Variants in COL4A6 observed in about 807,000 individuals in gnomAD.
COL4A6 encodes collagen type IV alpha 6 chain, also known as collagen alpha-6(IV) chain.
COL4A6 carries 59 observed loss-of-function variants against 126.7 expected under a neutral mutation model. The ratio of observed to expected loss-of-function variants is 0.47; its 90% CI spans 0.38 to 0.58. The LOEUF (loss-of-function observed/expected upper bound fraction) is 0.58, where lower values mean the gene tolerates loss of function less well. COL4A6 is among the 20% of genes least tolerant of loss of function. The pLI, the probability that COL4A6 is intolerant of heterozygous loss-of-function variation, is 0.00. For synonymous variants in COL4A6, 547 were observed against 496.6 expected, an observed-to-expected ratio of 1.10 and a Z score of -1.35; for missense variants, 1,285 against 1,337.3, an observed-to-expected ratio of 0.96 and a Z score of 0.61.
chrX:108,419,237 A>G (rs745902206), intron 2 of COL4A6, among the ~76,000 whole-genome samples: 3 of 112,367 alleles, frequency 2.7e-5, no homozygotes, highest in East Asian at 2.8e-4. Context: ...CATTCTAAAT[A>G]CTAGTAAGAA....
intron 2 of COL4A6, among the ~76,000 whole-genome samples, chrX:108,361,925 A>T (rs897134832): frequency 3.6e-5 from 4 of 112,226 alleles, no homozygotes; most frequent in African/African-American, 1.3e-4. Flanking sequence ...ATCTCATCAG[A>T]AATTCAAGGC....
chrX:108,160,412 G>T (rs780617389), intron 43 of COL4A6, 51 bp downstream of exon 43: 2 of 1,109,200 alleles, frequency 1.8e-6, no homozygotes, highest in Admixed American at 5.3e-5. Flanking sequence ...GTTGGCTGTT[G>T]GTGTTTGTGG....
chrX:108,326,344 C>A (rs1603094243), intron 2 of COL4A6, among the ~76,000 whole-genome samples: 2 of 112,221 alleles, frequency 1.8e-5, no homozygotes, highest in East Asian at 5.6e-4. Context: ...GATGTGCAGT[C>A]GCTTTGCATG....
chrX:108,388,319 G>A (rs1320412639), intron 2 of COL4A6, among the ~76,000 whole-genome samples: 1 of 112,010 alleles, frequency 8.9e-6, no homozygotes, highest in African/African-American at 3.2e-5. Flanking sequence ...ACCTCTGGTA[G>A]AATTCGGCTG....
In COL4A6 at chrX:108,155,951, T is replaced by C. The variant is rs2033722312; in HGVS notation, c.*1049A>G. The C allele has an allele frequency of 8.9e-6, 1 of 111,951 alleles. No individual in the cohort carries two copies. Among genetic ancestry groups the C allele is most frequent in the Admixed American group, 9.5e-5 (1 of 10,537 alleles). 9.2% of individuals were successfully genotyped at this position (111,951 alleles called of 1,213,427 possible). A position where few individuals can be genotyped will look rare whatever the true frequency, so the allele number is the denominator to read the frequency against. On this transcript the variant is annotated 3_prime_UTR_variant, in exon 45 of 45. Coordinates refer to ENST00000334504, the MANE Select transcript of COL4A6 (RefSeq NM_033641.4). ...TTTTTATGAGGTTTAAAAAAACATA[T>C]TAAAATAGTTTAATAGGCTACCTGT...
rs758347556 is a variant in COL4A6, at chrX:108,297,962, TAC to T, written c.144+12784_144+12785del. Reference sequence around the variant, plus strand: ...TCTCTCTCTCACGTGTGTGTGTGAGTACACACACCACACACACACACACACAC... The same window carrying T: ...TCTCTCTCTCACGTGTGTGTGTGAGTACACACCACACACACACACACACAC... On this transcript the variant is annotated intron_variant, in intron 3 of 44. Transcript: ENST00000334504. Among the ~76,000 whole-genome samples the T allele has an allele frequency of 4.7e-5, 5 of 107,232 alleles. No homozygotes were observed. The East Asian group carries it at 1.2e-3, about 25-fold the overall frequency. 93.1% of individuals were successfully genotyped at this position (107,232 alleles called of 115,157 possible).
chrX:108,426,975 C>T (rs942319522), intron 2 of COL4A6, among the ~76,000 whole-genome samples: 3 of 111,985 alleles, frequency 2.7e-5, no homozygotes, highest in Non-Finnish European at 5.6e-5. Context: ...AGACACATGC[C>T]TCATGGCTTG....
In COL4A6 at chrX:108,413,831, G is replaced by T. The variant is rs1015879388; in HGVS notation, c.63+24111C>A. 2.7e-5 allele frequency among the ~76,000 whole-genome samples: 3 copies of T among 111,826 alleles called. No homozygotes were observed. The Admixed American group carries it at 2.9e-4, about 11-fold the overall frequency. ...AGGAGTTAAACATCTATTACTACTG[G>T]TTTTCAGACACAGTGTGGATAATAT... On this transcript the variant is annotated intron_variant, in intron 2 of 44. Coordinates refer to ENST00000334504, the MANE Select transcript of COL4A6 (RefSeq NM_033641.4).
At chrX:108,410,174 G>A (rs1405643262) in intron 2 of COL4A6, among the ~76,000 whole-genome samples, 4 of 111,348 alleles carry the variant, frequency 3.6e-5, no homozygotes, top group Non-Finnish European at 7.5e-5. Flanking sequence ...TAACAATGAA[G>A]AAGCCAGAGG....
intron 40 of COL4A6, among the ~76,000 whole-genome samples, chrX:108,164,010 C>T (rs1224630938): frequency 9.0e-6 from 1 of 111,457 alleles, no homozygotes; most frequent in African/African-American, 3.3e-5. Context: ...CAGGGCTTTG[C>T]GTGCCACGGT....
chrX:108,159,344 C>A, intron 44 of COL4A6, 118 bp downstream of exon 44: 1 of 868,873 alleles, frequency 1.2e-6, no homozygotes, highest in Non-Finnish European at 1.6e-6. Context: ...CAAGCCCAGT[C>A]CAAGCATTTC....
chrX:108,186,083 T>C (rs1269727397), intron 23 of COL4A6, among the ~76,000 whole-genome samples: 1 of 112,411 alleles, frequency 8.9e-6, no homozygotes. Flanking sequence ...TGGAGACTTT[T>C]GAATTCCAAG....
chrX:108,240,843 A>C (rs2036552975), intron 3 of COL4A6, among the ~76,000 whole-genome samples: 1 of 112,447 alleles, frequency 8.9e-6, no homozygotes, highest in Non-Finnish European at 1.9e-5. Context: ...GAGGAAAAAC[A>C]TTACTAACTA....
intron 2 of COL4A6, among the ~76,000 whole-genome samples, chrX:108,313,506 CTT>C (rs1170058679): frequency 9.0e-6 from 1 of 110,661 alleles, no homozygotes; most frequent in Non-Finnish European, 1.9e-5. Flanking sequence ...TTTTTTAAAT[CTT>C]ATTATTATTA....
intron 2 of COL4A6, among the ~76,000 whole-genome samples, chrX:108,352,766 T>C (rs1389674990): frequency 8.9e-6 from 1 of 112,332 alleles, no homozygotes; most frequent in South Asian, 3.7e-4. Flanking sequence ...GTAGGTGCTT[T>C]GGACCATCAT....
chrX:108,396,527 A>G (rs2040967894), intron 2 of COL4A6, among the ~76,000 whole-genome samples: 1 of 111,612 alleles, frequency 9.0e-6, no homozygotes, highest in African/African-American at 3.3e-5. Flanking sequence ...TCTGTTATCT[A>G]AAGTCTAGGT....
chrX:108,427,561 A>G (rs946274997), intron 2 of COL4A6, among the ~76,000 whole-genome samples: 1 of 111,802 alleles, frequency 8.9e-6, no homozygotes, highest in South Asian at 3.8e-4. Context: ...TATAACTGTG[A>G]CCTAAACATC....
At chrX:108,422,033 T>C (rs982810753) in intron 2 of COL4A6, among the ~76,000 whole-genome samples, 4 of 111,994 alleles carry the variant, frequency 3.6e-5, no homozygotes, top group Non-Finnish European at 7.5e-5. Flanking sequence ...ATTAAAGTAT[T>C]TGAGGGTAAT....
At chrX:108,422,150 AG>A (rs2063991771) in intron 2 of COL4A6, among the ~76,000 whole-genome samples, 1 of 111,384 alleles carries the variant, frequency 9.0e-6, no homozygotes, top group South Asian at 3.8e-4. Context: ...CTGAGATGGG[AG>A]GATCACTTGA....
Sources: allele counts gnomAD v4.1 joint callset (sites outside exome capture counted in the v4.1 genomes callset), GRCh38; gene constraint gnomAD v4.1.1; transcripts MANE v1.5; gene names NCBI Gene and HGNC (gene_info 2026-07-23, HGNC 2026-07-21).